Variants in GOLIM4 observed in about 807,000 individuals in gnomAD.
GOLIM4 encodes the protein 130 kDa golgi-localized phosphoprotein.
A neutral mutation model predicts 107.4 loss-of-function variants in GOLIM4; 71 were observed. The observed-to-expected ratio is 0.66, with a 90% confidence interval of 0.55 to 0.81. The LOEUF is 0.81. Ranked by LOEUF, GOLIM4 falls within the 30% of genes least tolerant of loss-of-function variation. GOLIM4 has a pLI of 0.00. For missense variants in GOLIM4, 830 were observed against 826.1 expected, an observed-to-expected ratio of 1.00 and a Z score of -0.06; for synonymous variants, 327 against 294.8, an observed-to-expected ratio of 1.11 and a Z score of -1.12.
At chr3:168,064,608 T>A (rs1720446405) in intron 1 of GOLIM4, among the ~76,000 whole-genome samples, 1 of 151,484 alleles carries the variant, frequency 6.6e-6, no homozygotes, top group African/African-American at 2.4e-5. Flanking sequence ...GGGGATTTTT[T>A]TTTTTTTTTT....
chr3:168,025,442 T>C (rs375088828), intron 12 of GOLIM4, among the ~76,000 whole-genome samples: 153 of 146,266 alleles, frequency 1.0e-3, no homozygotes, highest in African/African-American at 4.1e-3. Context: ...ACAAAAAAAA[T>C]ACTAATTTAG....
At chr3:168,041,802 G>GT (rs1351723803) in intron 5 of GOLIM4, among the ~76,000 whole-genome samples, 5 of 152,112 alleles carry the variant, frequency 3.3e-5, no homozygotes, top group East Asian at 1.9e-4. Context: ...AATATAATGC[G>GT]TAGGTGTACT....
intron 1 of GOLIM4, among the ~76,000 whole-genome samples, chr3:168,073,994 G>A (rs984182949): frequency 3.3e-5 from 5 of 152,020 alleles, no homozygotes; most frequent in African/African-American, 1.2e-4. Context: ...CCAAGATGAG[G>A]TTATAAAAAA....
At chr3:168,024,740 A>G in intron 13 of GOLIM4, 146 bp from the exon 14 acceptor site, 2 of 853,752 alleles carry the variant, frequency 2.3e-6, no homozygotes, top group South Asian at 1.5e-5. Flanking sequence ...AATCATTCCC[A>G]ATACAAAGCC....
intron 9 of GOLIM4, among the ~76,000 whole-genome samples, 191 bp from the exon 10 acceptor site, chr3:168,030,227 T>C (rs983989361): frequency 6.6e-6 from 1 of 152,178 alleles, no homozygotes; most frequent in South Asian, 2.1e-4. Context: ...CTTGGCTTTT[T>C]TAGCAGCTGA....
intron 8 of GOLIM4, among the ~76,000 whole-genome samples, chr3:168,033,066 T>C (rs540368128): frequency 2.0e-5 from 3 of 152,290 alleles, no homozygotes; most frequent in African/African-American, 7.2e-5. Flanking sequence ...CAAAACTTCA[T>C]CTGTGAAGAA....
Position 168,011,557 on chromosome 3 carries a change from C to G in GOLIM4, c.1861-734G>C, listed in dbSNP as rs1717035890. On this transcript the variant is annotated intron_variant, in intron 14 of 15. Coordinates refer to ENST00000470487, the MANE Select transcript of GOLIM4 (RefSeq NM_014498.5). Reference sequence around the variant, plus strand: ...GGAGCCCACCACAGCTCAAGGAGGCCTGCCTGCCTCTGTAGGCTCCACCTC... The same window carrying G: ...GGAGCCCACCACAGCTCAAGGAGGCGTGCCTGCCTCTGTAGGCTCCACCTC... 2.6e-5 allele frequency among the ~76,000 whole-genome samples: 4 copies of G among 151,848 alleles called. No homozygotes were observed. The South Asian group carries it at 8.3e-4, about 31-fold the overall frequency.
chr3:168,031,464 T>C (rs1220558628), intron 9 of GOLIM4, among the ~76,000 whole-genome samples: 1 of 152,172 alleles, frequency 6.6e-6, no homozygotes, highest in Non-Finnish European at 1.5e-5. Context: ...TGAAAATATA[T>C]ACATATATTA....
chr3:168,077,740 T>C (rs536246811), intron 1 of GOLIM4, among the ~76,000 whole-genome samples: 67 of 152,340 alleles, frequency 4.4e-4, no homozygotes, highest in Admixed American at 1.6e-3. Context: ...TTGGCTATAT[T>C]GTATTTCAGA....
Position 168,029,306 on chromosome 3 carries a change from C to T in GOLIM4, c.1434-4G>A, listed in dbSNP as rs1247991145. ...AGCATCATAATGAGCTTGCTGCCTA[C>T]AAGAGACACAAACATGATAAATCCA... On this transcript the variant is annotated splice_polypyrimidine_tract_variant and splice_region_variant and intron_variant, in intron 10 of 15. Coordinates refer to ENST00000470487, the MANE Select transcript of GOLIM4 (RefSeq NM_014498.5). The T allele has an allele frequency of 5.0e-6, 8 of 1,585,540 alleles. No individual in the cohort carries two copies. The Admixed American group carries it at 1.4e-4, about 27-fold the overall frequency.
chr3:168,013,461 G>A (rs1258752272), intron 14 of GOLIM4, among the ~76,000 whole-genome samples: 1 of 149,630 alleles, frequency 6.7e-6, no homozygotes, highest in Non-Finnish European at 1.5e-5. Context: ...ACACCCCACT[G>A]TCAACATTAG....
chr3:168,081,056 G>A (rs1721336955), intron 1 of GOLIM4, among the ~76,000 whole-genome samples: 1 of 152,178 alleles, frequency 6.6e-6, no homozygotes, highest in Non-Finnish European at 1.5e-5. Flanking sequence ...GATGCTACCA[G>A]GTAGCAGCCT....
rs1480082316 is a variant in GOLIM4, at chr3:168,008,814, C to T, written c.*1455G>A. The T allele has an allele frequency of 6.6e-6, 1 of 151,320 alleles. No individual in the cohort carries two copies. Among genetic ancestry groups the T allele is most frequent in the Non-Finnish European group, 1.5e-5 (1 of 67,864 alleles). 9.4% of individuals were successfully genotyped at this position (151,320 alleles called of 1,614,324 possible). On this transcript the variant is annotated 3_prime_UTR_variant, in exon 16 of 16. Coordinates refer to ENST00000470487, the MANE Select transcript of GOLIM4 (RefSeq NM_014498.5). ...ATAATTGTATTCTGAATATTATGTA[C>T]AATATTATACATTTTACATTACATA...
intron 14 of GOLIM4, among the ~76,000 whole-genome samples, chr3:168,015,650 G>T (rs1288302642): frequency 7.3e-6 from 1 of 136,320 alleles, no homozygotes; most frequent in Non-Finnish European, 1.5e-5. Flanking sequence ...ATACTACAAG[G>T]CTACAGTAAC....
intron 12 of GOLIM4, among the ~76,000 whole-genome samples, chr3:168,027,108 A>G (rs1718032338): frequency 6.6e-6 from 1 of 151,668 alleles, no homozygotes; most frequent in African/African-American, 2.4e-5. Context: ...CAGCTGAACT[A>G]GAGGTCTCAG....
chr3:168,053,171 C>A (rs1445301225), intron 1 of GOLIM4, among the ~76,000 whole-genome samples: 1 of 152,194 alleles, frequency 6.6e-6, no homozygotes, highest in Non-Finnish European at 1.5e-5. Flanking sequence ...TTGAAAGTCA[C>A]ACGAGAAATC....
intron 1 of GOLIM4, among the ~76,000 whole-genome samples, chr3:168,058,162 A>G (rs1016249805): frequency 9.9e-5 from 15 of 152,186 alleles, no homozygotes; most frequent in African/African-American, 3.6e-4. Context: ...TTACTGTACA[A>G]TAAAGTTACT....
chr3:168,075,303 T>G (rs1289347796), intron 1 of GOLIM4, among the ~76,000 whole-genome samples: 1 of 138,988 alleles, frequency 7.2e-6, no homozygotes, highest in Non-Finnish European at 1.6e-5. Flanking sequence ...TTTTTTTTTT[T>G]TTTTTTTTTT....
chr3:168,059,651 T>A (rs539166704), intron 1 of GOLIM4, among the ~76,000 whole-genome samples: 3 of 152,294 alleles, frequency 2.0e-5, no homozygotes, highest in South Asian at 2.1e-4. Context: ...CACAGAGAGA[T>A]ATAGATGATA....
Sources: gnomAD v4.1 joint callset for allele counts (sites outside exome capture counted in the v4.1 genomes callset) on GRCh38, gnomAD v4.1.1 for gene constraint, MANE v1.5 for transcripts, NCBI Gene and HGNC (gene_info 2026-07-23, HGNC 2026-07-21) for gene names.